PLXNA4: variants seen among roughly 807,000 people sequenced by gnomAD.
PLXNA4 encodes plexin-A4.
In PLXNA4, 44 loss-of-function variants were observed where a neutral mutation model predicts 191.8. That is an observed-to-expected ratio of 0.23 (90% CI 0.18 to 0.29). The LOEUF is 0.29. Among genes scored for constraint, PLXNA4 ranks in the 10% least tolerant of loss-of-function variants. The pLI is 1.00. For synonymous variants in PLXNA4, 1,082 were observed against 1,009.5 expected (o/e 1.07, Z -1.36); for missense variants, 1,800 against 2,488.8 (o/e 0.72, Z 5.89).
chr7:132,154,678 G>A (rs998722061), intron 25 of PLXNA4, among the ~76,000 whole-genome samples: 4 of 151,966 alleles, frequency 2.6e-5, no homozygotes, highest in African/African-American at 7.2e-5. Context: ...GCTCTGGCAT[G>A]GCTCCAGACA....
chr7:132,642,777 C>T (rs192642538), intron 2 of PLXNA4, among the ~76,000 whole-genome samples: 1 of 152,224 alleles, frequency 6.6e-6, no homozygotes, highest in Admixed American at 6.5e-5. Flanking sequence ...TTCACCCAAA[C>T]AGAAATTTTT....
At chr7:132,167,178 C>T (rs1255011076) in intron 22 of PLXNA4, among the ~76,000 whole-genome samples, 2 of 152,140 alleles carry the variant, frequency 1.3e-5, no homozygotes, top group East Asian at 3.9e-4. Flanking sequence ...GGAGAAATGG[C>T]CTTCGAGTAC....
intron 1 of PLXNA4, among the ~76,000 whole-genome samples, chr7:132,554,280 G>A (rs1279115295): frequency 3.9e-5 from 6 of 152,140 alleles, no homozygotes; most frequent in African/African-American, 1.4e-4. Flanking sequence ...GTGACAATGA[G>A]GTGCCCCTTT....
In PLXNA4 at chr7:132,203,430, G is replaced by T; in HGVS notation, c.2299-11C>A. On this transcript the variant is annotated splice_polypyrimidine_tract_variant and intron_variant, in intron 10 of 31. Coordinates refer to ENST00000321063, the MANE Select transcript of PLXNA4 (RefSeq NM_020911.2). Reference sequence around the variant, plus strand: ...CCCTTCATAGGAATACTGCAGCCAGGTCGGGGAGGAGGAAAGAAGAAAGTG... The same window carrying T: ...CCCTTCATAGGAATACTGCAGCCAGTTCGGGGAGGAGGAAAGAAGAAAGTG... 6.2e-7 allele frequency: 1 copy of T among 1,612,770 alleles called. No individual in the cohort carries two copies. The highest frequency in any genetic ancestry group is 8.5e-7 in the Non-Finnish European group (1 of 1,178,752).
rs145405117 is a variant in PLXNA4, at chr7:132,563,430, TTCC to T, written c.-87+12989_-87+12991del. 4.0e-3 allele frequency among the ~76,000 whole-genome samples: 237 copies of T among 58,528 alleles called. 7 individuals are homozygous for T. The highest frequency in any genetic ancestry group is 0.016 in the African/African-American group (218 of 13,340). 38.4% of individuals were successfully genotyped at this position (58,528 alleles called of 152,430 possible). On this transcript the variant is annotated intron_variant, in intron 1 of 31. Coordinates refer to ENST00000321063, the MANE Select transcript of PLXNA4 (RefSeq NM_020911.2). ...CTCCTCTCCCTCCTCCTCCTTCTCC[TTCC>T]TCCTCCTCTTCCTCCTCCTCCTCCT...
At chr7:132,501,942 G>A (rs1166060305) in intron 2 of PLXNA4, among the ~76,000 whole-genome samples, 2 of 152,236 alleles carry the variant, frequency 1.3e-5, no homozygotes, top group African/African-American at 4.8e-5. Flanking sequence ...ATGGTGCGGG[G>A]AAGAGGAGGA....
chr7:132,350,611 G>A (rs1803444540), intron 3 of PLXNA4, among the ~76,000 whole-genome samples: 1 of 152,220 alleles, frequency 6.6e-6, no homozygotes, highest in African/African-American at 2.4e-5. Flanking sequence ...CACCCGCTGG[G>A]ATGGCTAGAG....
chr7:132,393,785 T>C (rs540495257), intron 3 of PLXNA4, among the ~76,000 whole-genome samples: 1 of 152,260 alleles, frequency 6.6e-6, no homozygotes, highest in South Asian at 2.1e-4. Flanking sequence ...GGCTTGAAGT[T>C]CAGCCTGGAT....
chr7:132,148,781 A>G (rs1407703337), intron 25 of PLXNA4, 135 bp from the exon 26 acceptor site: 5 of 1,367,396 alleles, frequency 3.7e-6, no homozygotes, highest in Non-Finnish European at 4.9e-6. Context: ...TGCTCCTGCG[A>G]AAATGGAGTG....
intron 4 of PLXNA4, among the ~76,000 whole-genome samples, chr7:132,253,790 C>T (rs1328180981): frequency 1.3e-5 from 2 of 152,194 alleles, no homozygotes; most frequent in Admixed American, 6.5e-5. Flanking sequence ...AGAAAACCCA[C>T]ACCAATTCCA....
rs768906299 is a variant in PLXNA4, at chr7:132,597,840, GCTCT to G, written c.-87+48084_-87+48087del. Reference sequence around the variant, plus strand: ...AGTTCTAAGAATCCATCCATGTTGCGCTCTCTCTCTCTCTCTCTCTATATATATA... The same window carrying G: ...AGTTCTAAGAATCCATCCATGTTGCGCTCTCTCTCTCTCTCTATATATATA... On this transcript the variant is annotated intron_variant, in intron 2 of 4. Coordinates refer to the PLXNA4 transcript ENST00000378539. Among the ~76,000 whole-genome samples the G allele has an allele frequency of 9.9e-3, 1,386 of 140,322 alleles. 20 individuals carry two copies. The highest frequency in any genetic ancestry group is 0.034 in the African/African-American group (1,338 of 39,652). 92.1% of individuals were successfully genotyped at this position (140,322 alleles called of 152,430 possible). A position where few individuals can be genotyped will look rare whatever the true frequency, so the allele number is the denominator to read the frequency against.
chr7:132,232,704 G>T (rs1584878337), intron 5 of PLXNA4, among the ~76,000 whole-genome samples: 1 of 152,320 alleles, frequency 6.6e-6, no homozygotes, highest in East Asian at 1.9e-4. Flanking sequence ...TTCACTGCTG[G>T]AGAATTCCCA....
chr7:132,574,758 C>T (rs1220381273), intron 1 of PLXNA4, among the ~76,000 whole-genome samples: 1 of 152,192 alleles, frequency 6.6e-6, no homozygotes, highest in Non-Finnish European at 1.5e-5. Flanking sequence ...TAGCCAGAGA[C>T]CTTTGCAGGA....
intron 25 of PLXNA4, among the ~76,000 whole-genome samples, chr7:132,153,817 G>A (rs1795713765): frequency 6.6e-6 from 1 of 151,906 alleles, no homozygotes; most frequent in Non-Finnish European, 1.5e-5. Flanking sequence ...GTGGGCCCAA[G>A]GGCACCCACA....
intron 4 of PLXNA4, among the ~76,000 whole-genome samples, chr7:132,259,161 C>A (rs1799532772): frequency 6.6e-6 from 1 of 152,036 alleles, no homozygotes; most frequent in African/African-American, 2.4e-5. Context: ...TCTTAGGATA[C>A]CCTAAATGAA....
At chr7:132,460,210 T>G (rs1796456077) in intron 3 of PLXNA4, among the ~76,000 whole-genome samples, 1 of 151,896 alleles carries the variant, frequency 6.6e-6, no homozygotes. Context: ...TTTAAAAACT[T>G]AGGCAGGCAC....
Position 132,507,617 on chromosome 7 carries a change from G to C in PLXNA4, c.1077C>G (p.Ile359Met). ...TAATGCGGTCATTTATCTGCTTCAA[G>C]ATGAAGATGCACAGGGCCGACTCAT... ...SLDESALCIF[I>M]LKQINDRIKE... Residue 359 changes from isoleucine (I) to methionine (M), a missense_variant, in exon 2 of 32, where the codon ATC becomes ATG. By Grantham distance (10) the Ile-to-Met change is conservative. Transcript: ENST00000321063. The C allele has an allele frequency of 6.2e-7, 1 of 1,614,200 alleles. No individual in the cohort carries two copies. The highest frequency in any genetic ancestry group is 8.5e-7 in the Non-Finnish European group (1 of 1,180,052).
intron 2 of PLXNA4, among the ~76,000 whole-genome samples, chr7:132,596,625 A>C (rs1802714218): frequency 3.3e-5 from 5 of 152,168 alleles, no homozygotes; most frequent in African/African-American, 1.2e-4. Flanking sequence ...ACTTCTGAAA[A>C]ATGCATTTAT....
chr7:132,133,193 G>A lies in PLXNA4; in HGVS notation c.5445C>T (p.Tyr1815=), dbSNP rs748363739. Residue 1815 remains tyrosine (Y), a synonymous_variant, in exon 31 of 32, where the codon TAC becomes TAT. Transcript: ENST00000321063. The part of the protein sequence containing the change: ...PSYKNWVERY[Y]SDIGKMPAIS... Reference sequence around the variant, plus strand: ...TGGCTGGCATCTTCCCTATGTCTGAGTAATACCTGTGGAGGGATGGAAATA... The same window carrying A: ...TGGCTGGCATCTTCCCTATGTCTGAATAATACCTGTGGAGGGATGGAAATA... The A allele has an allele frequency of 1.2e-6, 2 of 1,614,102 alleles. No homozygotes were observed. Among genetic ancestry groups the A allele is most frequent in the Non-Finnish European group, 8.5e-7 (1 of 1,179,984 alleles).
Sources: allele counts gnomAD v4.1 joint callset (sites outside exome capture counted in the v4.1 genomes callset), GRCh38; gene constraint gnomAD v4.1.1; transcripts MANE v1.5; gene names NCBI Gene and HGNC (gene_info 2026-07-23, HGNC 2026-07-21).